PDZRN3: variants seen among roughly 807,000 people sequenced by gnomAD.
The protein encoded by PDZRN3 is PDZ domain containing ring finger 3.
In PDZRN3, 38 loss-of-function variants were observed where a neutral mutation model predicts 85.7. The observed-to-expected ratio is 0.44, with a 90% CI of 0.34 to 0.58. The LOEUF is 0.58. Ranked by LOEUF, PDZRN3 falls within the 20% of genes least tolerant of loss-of-function variation. The pLI is 0.01. For synonymous variants in PDZRN3, 759 were observed against 638.0 expected, an observed-to-expected ratio of 1.19 and a Z score of -2.86; for missense variants, 1,629 against 1,506.4, an observed-to-expected ratio of 1.08 and a Z score of -1.35.
intron 3 of PDZRN3, among the ~76,000 whole-genome samples, chr3:73,488,422 A>T (rs1365170776): frequency 2.6e-5 from 4 of 152,128 alleles, no homozygotes; most frequent in Non-Finnish European, 4.4e-5. Flanking sequence ...TTTTCCAATG[A>T]GCCAGGTTCT....
chr3:73,431,056 A>G (rs1310833145), intron 3 of PDZRN3, among the ~76,000 whole-genome samples: 1 of 152,212 alleles, frequency 6.6e-6, no homozygotes, highest in African/African-American at 2.4e-5. Context: ...AAGAACTGCT[A>G]TACTTGTCTG....
chr3:73,517,555 G>T (rs1325619105), intron 3 of PDZRN3, among the ~76,000 whole-genome samples: 2 of 152,198 alleles, frequency 1.3e-5, no homozygotes, highest in African/African-American at 2.4e-5. Flanking sequence ...AAGGCTGAAT[G>T]AAATGTACAC....
chr3:73,576,126 A>G (rs1452686971), intron 3 of PDZRN3, among the ~76,000 whole-genome samples: 1 of 151,976 alleles, frequency 6.6e-6, no homozygotes, highest in Non-Finnish European at 1.5e-5. Flanking sequence ...ACACACACAC[A>G]TATGCACAGT....
intron 3 of PDZRN3, among the ~76,000 whole-genome samples, chr3:73,586,118 A>G (rs1001272046): frequency 6.6e-6 from 1 of 152,178 alleles, no homozygotes; most frequent in Non-Finnish European, 1.5e-5. Flanking sequence ...TGATACCCTT[A>G]TATTTATATT....
intron 3 of PDZRN3, among the ~76,000 whole-genome samples, chr3:73,471,324 C>T (rs1311413204): frequency 1.3e-5 from 2 of 152,130 alleles, no homozygotes; most frequent in East Asian, 1.9e-4. Context: ...TCACAAGGAA[C>T]GTGGCCCTGA....
chr3:73,518,861 C>T (rs1172778414), intron 3 of PDZRN3, among the ~76,000 whole-genome samples: 1 of 152,204 alleles, frequency 6.6e-6, no homozygotes, highest in Non-Finnish European at 1.5e-5. Flanking sequence ...GTCCTAACAC[C>T]ATCACCGTGA....
intron 1 of PDZRN3, chr3:73,623,490 T>C (rs1240200780): frequency 6.6e-6 from 1 of 152,252 alleles, no homozygotes; most frequent in Non-Finnish European, 1.5e-5. Flanking sequence ...TTTCCAACTT[T>C]AGAGAGGTTA....
At chr3:73,569,564 G>C (rs1334683609) in intron 3 of PDZRN3, 1 of 1,048,402 alleles carries the variant, frequency 9.5e-7, no homozygotes, top group African/African-American at 1.7e-5. Context: ...CCCCACACCC[G>C]CACACACATT....
At chr3:73,557,034 G>T in intron 3 of PDZRN3, 1 of 152,102 alleles carries the variant, frequency 6.6e-6, no homozygotes, top group Non-Finnish European at 1.5e-5. Flanking sequence ...CAGGAGCAAG[G>T]CTGGTGCTCA....
At chr3:73,433,407 T>C (rs931644058) in intron 3 of PDZRN3, among the ~76,000 whole-genome samples, 1 of 152,274 alleles carries the variant, frequency 6.6e-6, no homozygotes, top group African/African-American at 2.4e-5. Flanking sequence ...ACACATTTTA[T>C]GACCATCAAC....
intron 3 of PDZRN3, among the ~76,000 whole-genome samples, chr3:73,454,983 C>T (rs1228164004): frequency 2.0e-5 from 3 of 151,732 alleles, no homozygotes; most frequent in Non-Finnish European, 4.4e-5. Context: ...CTAATTTCTC[C>T]TGGAGTTCCA....
At chr3:73,540,602 T>C (rs1468574010) in intron 3 of PDZRN3, among the ~76,000 whole-genome samples, 1 of 152,200 alleles carries the variant, frequency 6.6e-6, no homozygotes, top group Non-Finnish European at 1.5e-5. Flanking sequence ...GATGGTTTTA[T>C]AAGGGGCATT....
At chr3:73,409,949 C>A (rs1334230662) in intron 3 of PDZRN3, among the ~76,000 whole-genome samples, 1 of 152,168 alleles carries the variant, frequency 6.6e-6, no homozygotes, top group Non-Finnish European at 1.5e-5. Context: ...GTGCAAATGA[C>A]CTCATATAAA....
intron 3 of PDZRN3, among the ~76,000 whole-genome samples, chr3:73,417,291 T>C (rs1378299833): frequency 6.6e-6 from 1 of 152,220 alleles, no homozygotes; most frequent in Non-Finnish European, 1.5e-5. Context: ...TTCTCCCTCT[T>C]GCTTCTCCCC....
At chr3:73,449,271 GA>G (rs1400624488) in intron 3 of PDZRN3, among the ~76,000 whole-genome samples, 1 of 152,036 alleles carries the variant, frequency 6.6e-6, no homozygotes, top group Non-Finnish European at 1.5e-5. Context: ...CAAACTCGGC[GA>G]GGAACTCCAT....
intron 2 of PDZRN3, among the ~76,000 whole-genome samples, chr3:73,602,923 C>T: frequency 6.6e-6 from 1 of 152,214 alleles, no homozygotes; most frequent in East Asian, 1.9e-4. Flanking sequence ...CAGTATCCAA[C>T]ATGAGGCTAA....
intron 3 of PDZRN3, among the ~76,000 whole-genome samples, chr3:73,565,615 C>A (rs1454629575): frequency 6.6e-6 from 1 of 152,030 alleles, no homozygotes; most frequent in South Asian, 2.1e-4. Context: ...CAAATCCTAC[C>A]GCTTTCCAAG....
intron 3 of PDZRN3, among the ~76,000 whole-genome samples, chr3:73,578,794 T>C (rs994148973): frequency 2.6e-5 from 4 of 152,232 alleles, no homozygotes; most frequent in African/African-American, 9.6e-5. Context: ...ATGAGAAATG[T>C]GAACATTTCA....
intron 3 of PDZRN3, among the ~76,000 whole-genome samples, chr3:73,426,825 G>A (rs1241146948): frequency 1.3e-5 from 2 of 152,048 alleles, no homozygotes; most frequent in Non-Finnish European, 2.9e-5. Flanking sequence ...TAACAAACAC[G>A]TTCCCAGATG....
Sources: allele counts gnomAD v4.1 joint callset (sites outside exome capture counted in the v4.1 genomes callset), GRCh38; gene constraint gnomAD v4.1.1; transcripts MANE v1.5; gene names NCBI Gene and HGNC (gene_info 2026-07-23, HGNC 2026-07-21).